The following EEFSEC variants were observed in gnomAD, a reference collection of about 807,000 sequenced individuals.
EEFSEC encodes the protein eukaryotic elongation factor, selenocysteine-tRNA specific.
In EEFSEC, 43 loss-of-function variants were observed where a neutral mutation model predicts 42.1. The ratio of observed to expected loss-of-function variants is 1.02; its 90% CI spans 0.80 to 1.32. The LOEUF is 1.32. EEFSEC is among the 40% of genes most tolerant of loss of function. The pLI is 0.00. For missense variants in EEFSEC, 745 were observed against 803.6 expected (o/e 0.93, Z 0.88); for synonymous variants, 354 against 339.1 (o/e 1.04, Z -0.48).
intron 1 of EEFSEC, among the ~76,000 whole-genome samples, chr3:128,189,280 G>A (rs1370932575): frequency 2.0e-5 from 3 of 152,164 alleles, no homozygotes; most frequent in Non-Finnish European, 4.4e-5. Context: ...CATAATGACA[G>A]CTTAGGTCAA....
At chr3:128,233,651 G>GT (rs1317709732) in intron 1 of EEFSEC, among the ~76,000 whole-genome samples, 3 of 152,288 alleles carry the variant, frequency 2.0e-5, no homozygotes, top group African/African-American at 7.2e-5. Flanking sequence ...CATTAGATAG[G>GT]TCCCTACCTC....
rs372940216 is a variant in EEFSEC at position 128,358,348 on chromosome 3, C to T, written c.1575C>T (p.Ser525=). 485 of 1,614,236 alleles carry T rather than the reference C, an allele frequency of 3.0e-4. 1 individual carries two copies. The highest frequency in any genetic ancestry group is 2.3e-3 in the Middle Eastern group (14 of 6,060). ...LGIIDSAFGQ[S]GKFKIHIPGG... is the part of the protein sequence containing the mutation. ...TCATCGACAGTGCCTTCGGCCAGAG[C>T]GGCAAGTTCAAGATCCACATCCCAG... The change falls in exon 6 of 7, where the codon AGC becomes AGT. Residue 525 remains serine (S), a synonymous_variant. Coordinates refer to ENST00000254730, the MANE Select transcript of EEFSEC (RefSeq NM_021937.5).
intron 1 of EEFSEC, among the ~76,000 whole-genome samples, chr3:128,192,215 G>T (rs114666922): frequency 3.9e-5 from 6 of 152,196 alleles, no homozygotes; most frequent in Admixed American, 6.5e-5. Flanking sequence ...CTTCACTCCG[G>T]GTCTCAACCT....
At chr3:128,391,304 C>A (rs991133545) in intron 6 of EEFSEC, among the ~76,000 whole-genome samples, 1 of 152,268 alleles carries the variant, frequency 6.6e-6, no homozygotes, top group Admixed American at 6.5e-5. Context: ...GTCTCCCGCC[C>A]CAAGCTATGG....
chr3:128,164,522 G>T (rs981862954), intron 1 of EEFSEC, among the ~76,000 whole-genome samples: 13 of 152,210 alleles, frequency 8.5e-5, no homozygotes, highest in African/African-American at 3.1e-4. Flanking sequence ...GCTAAAGAAG[G>T]GGAGTGGTCA....
intron 1 of EEFSEC, among the ~76,000 whole-genome samples, chr3:128,199,568 G>T (rs1446176383): frequency 1.3e-5 from 2 of 151,950 alleles, no homozygotes; most frequent in Non-Finnish European, 2.9e-5. Flanking sequence ...GGATGTTTTT[G>T]GTGTCTCCAG....
intron 6 of EEFSEC, among the ~76,000 whole-genome samples, chr3:128,391,967 A>T (rs1398844129): frequency 6.6e-6 from 1 of 152,182 alleles, no homozygotes; most frequent in Admixed American, 6.5e-5. Context: ...CAGAAGGGCG[A>T]GTGCCTGAGT....
intron 6 of EEFSEC, among the ~76,000 whole-genome samples, chr3:128,368,783 T>C (rs1339373117): frequency 6.6e-6 from 1 of 152,222 alleles, no homozygotes; most frequent in Non-Finnish European, 1.5e-5. Context: ...GTTGCAGGCG[T>C]TGGGAGTGGG....
the EEFSEC span, among the ~76,000 whole-genome samples, chr3:128,414,783 G>A: frequency 2.0e-4 from 31 of 152,354 alleles, no homozygotes; most frequent in Admixed American, 3.3e-4. Flanking sequence ...TCTGGAGGCC[G>A]ACAGGGAGGA....
chr3:128,285,216 A>G (rs1349351741), intron 4 of EEFSEC, among the ~76,000 whole-genome samples: 1 of 152,116 alleles, frequency 6.6e-6, no homozygotes, highest in African/African-American at 2.4e-5. Context: ...TCTGGCTCAC[A>G]TGATGAGATG....
At chr3:128,237,019 G>A (rs947737990) in intron 1 of EEFSEC, among the ~76,000 whole-genome samples, 18 of 152,240 alleles carry the variant, frequency 1.2e-4, no homozygotes, top group African/African-American at 3.1e-4. Flanking sequence ...CCAACTCTAC[G>A]TCTGGCATGA....
intron 6 of EEFSEC, among the ~76,000 whole-genome samples, chr3:128,397,908 A>G (rs2068000922): frequency 6.6e-6 from 1 of 152,102 alleles, no homozygotes; most frequent in South Asian, 2.1e-4. Flanking sequence ...ATGACAGGAA[A>G]GTCTGTGCAG....
At chr3:128,215,426 A>T (rs4857874) in intron 1 of EEFSEC, among the ~76,000 whole-genome samples, 107,171 of 151,792 alleles carry the variant, frequency 0.71, 38,054 homozygotes, top group East Asian at 0.89. Flanking sequence ...GCAGAAGTTA[A>T]CTACTTCATA....
At chr3:128,422,186 C>T in the EEFSEC span, among the ~76,000 whole-genome samples, 3 of 152,194 alleles carry the variant, frequency 2.0e-5, no homozygotes, top group Non-Finnish European at 4.4e-5. Context: ...GCTGGCATCT[C>T]AGCCCCAACC....
At chr3:128,160,244 A>T (rs2065167206) in intron 1 of EEFSEC, among the ~76,000 whole-genome samples, 1 of 152,250 alleles carries the variant, frequency 6.6e-6, no homozygotes, top group Admixed American at 6.5e-5. Context: ...GATCTTCTGG[A>T]GTTCTTTGCA....
At chr3:128,371,785 G>A (rs183445275) in intron 6 of EEFSEC, among the ~76,000 whole-genome samples, 24 of 152,342 alleles carry the variant, frequency 1.6e-4, no homozygotes, top group Admixed American at 6.5e-4. Context: ...CAGAGTCCCA[G>A]CCCCATGGTA....
chr3:128,197,396 A>G (rs1221442568), intron 1 of EEFSEC, among the ~76,000 whole-genome samples: 2 of 152,062 alleles, frequency 1.3e-5, no homozygotes, highest in African/African-American at 2.4e-5. Context: ...TCAGCCTCCC[A>G]AGTAGCTGGG....
chr3:128,352,933 A>C (rs2067406085), intron 5 of EEFSEC, among the ~76,000 whole-genome samples: 1 of 152,244 alleles, frequency 6.6e-6, no homozygotes, highest in South Asian at 2.1e-4. Context: ...CTAACCTGTG[A>C]TGTAAACAGT....
chr3:128,352,357 A>G (rs1489321482), intron 5 of EEFSEC, among the ~76,000 whole-genome samples: 2 of 152,212 alleles, frequency 1.3e-5, no homozygotes, highest in Admixed American at 1.3e-4. Context: ...CAGTACACAC[A>G]GCAGTAATTT....
Sources: gnomAD v4.1 joint callset for allele counts (sites outside exome capture counted in the v4.1 genomes callset) on GRCh38, gnomAD v4.1.1 for gene constraint, MANE v1.5 for transcripts, NCBI Gene and HGNC (gene_info 2026-07-23, HGNC 2026-07-21) for gene names.